Variants in OR4C11 observed in about 807,000 individuals in gnomAD.
OR4C11 encodes olfactory receptor family 4 subfamily C member 11, also known as olfactory receptor 4C11.
In OR4C11, 15 loss-of-function variants were observed where a neutral mutation model predicts 14.7. That is an observed-to-expected ratio of 1.02 (90% CI 0.68 to 1.58). The LOEUF is 1.58. OR4C11 is among the 40% of genes most tolerant of loss of function. The pLI is 0.00. For missense variants in OR4C11, 473 were observed against 383.0 expected (o/e 1.24, Z -1.96); for synonymous variants, 146 against 135.0 (o/e 1.08, Z -0.57).
Position 55,607,266 on chromosome 11 carries a change from A to G in OR4C11, c.-365+21T>C, listed in dbSNP as rs188989384. On this transcript the variant is annotated intron_variant, in intron 1 of 3. Transcript: ENST00000641580. Reference sequence around the variant, plus strand: ...GTTTCTGTTTAATTATCTCCTACCCACTTCTACCAACAGCTCTTACCTGGT... The same window carrying G: ...GTTTCTGTTTAATTATCTCCTACCCGCTTCTACCAACAGCTCTTACCTGGT... 8.5e-4 allele frequency: 117 copies of G among 138,060 alleles called. 8 individuals carry two copies. The highest frequency in any genetic ancestry group is 2.7e-3 in the African/African-American group (109 of 39,872). The allele number at this position is 138,060 out of a possible 1,614,324, so 8.6% of individuals were successfully genotyped here.
At position 55,604,216 on chromosome 11, in the gene OR4C11, A is replaced by C; in HGVS notation, c.158T>G (p.Leu53Arg). 1 of 1,482,510 alleles carries C rather than the reference A, an allele frequency of 6.7e-7. No homozygotes were observed. Among genetic ancestry groups the C allele is most frequent in the African/African-American group, 1.4e-5 (1 of 72,750 alleles). 91.8% of individuals were successfully genotyped at this position (1,482,510 alleles called of 1,614,324 possible). A position where few individuals can be genotyped will look rare whatever the true frequency, so the allele number is the denominator to read the frequency against. Residue 53 changes from leucine (L) to arginine (R), a missense_variant, in exon 4 of 4, where the codon CTA (leucine) becomes CGA (arginine). Coordinates refer to ENST00000641580, the MANE Select transcript of OR4C11 (RefSeq NM_001004700.3). The part of the protein sequence containing the change: ...IIVTIKSSRT[L>R]GSPMYFFLFY... ...TAGAAAGAAGTACATGGGGCTTCCT[A>C]GTGTCCGGCTGGACTTGATGGTCAC...
Position 55,605,103 on chromosome 11 carries a change from A to G in OR4C11, c.-45+23T>C, listed in dbSNP as rs1857943557. On this transcript the variant is annotated intron_variant, in intron 3 of 3. Coordinates refer to ENST00000641580, the MANE Select transcript of OR4C11 (RefSeq NM_001004700.3). The stretch of plus-strand genomic sequence containing the variant: ...ATTATTTTAACCTCTTGCCTTGACT[A>G]TCTTTATTTCCTTTTAATTTACCTC... 2 of 138,830 alleles carry G rather than the reference A, an allele frequency of 1.4e-5. 1 individual carries two copies. Among genetic ancestry groups the G allele is most frequent in the Non-Finnish European group, 3.2e-5 (2 of 62,196 alleles). 8.6% of individuals were successfully genotyped at this position (138,830 alleles called of 1,614,324 possible). A position where few individuals can be genotyped will look rare whatever the true frequency, so the allele number is the denominator to read the frequency against.
Position 55,605,287 on chromosome 11 carries a change from G to T in OR4C11, c.-206C>A, listed in dbSNP as rs1167089867. The T allele has an allele frequency of 1.5e-5, 2 of 137,734 alleles. 1 individual carries two copies. The highest frequency in any genetic ancestry group is 3.2e-5 in the Non-Finnish European group (2 of 62,042). The allele number at this position is 137,734 out of a possible 1,614,324, so 8.5% of individuals were successfully genotyped here. On this transcript the variant is annotated splice_region_variant and 5_prime_UTR_variant, in exon 3 of 4. Transcript: ENST00000641580. ...TCTTAAGAGACAAGTAGACACTGAG[G>T]CTAAAATGAGGAAAAAAGTGGAAGA... is the stretch of plus-strand genomic sequence containing the variant.
At position 55,607,105 on chromosome 11, in the gene OR4C11, G is replaced by C. The variant is rs576601226; in HGVS notation, c.-365+182C>G. ...AGGAGAAGGAAGCCAGCATCCTACC[G>C]TGGGCGACATCATCACCTTCATGGA... On this transcript the variant is annotated intron_variant, in intron 1 of 3. Transcript: ENST00000641580. Among the ~76,000 whole-genome samples, 4 of 138,026 alleles carry C rather than the reference G, an allele frequency of 2.9e-5. 1 individual carries two copies. The South Asian group carries it at 9.6e-4, about 33-fold the overall frequency. The allele number at this position is 138,026 out of a possible 152,430, so 90.6% of individuals were successfully genotyped here.
rs1307845397 is a variant in OR4C11 at position 55,604,608 on chromosome 11, G to A, written c.-44-191C>T. Among the ~76,000 whole-genome samples the A allele has an allele frequency of 5.8e-5, 8 of 136,964 alleles. 2 individuals are homozygous for A. The highest frequency in any genetic ancestry group is 3.9e-3 in the Middle Eastern group (1 of 258). The allele number at this position is 136,964 out of a possible 152,430, so 89.9% of individuals were successfully genotyped here. On this transcript the variant is annotated intron_variant, in intron 3 of 3. Transcript: ENST00000641580. The stretch of plus-strand genomic sequence containing the variant: ...ATTATTATTTTTGAAACAGAATGTC[G>A]CTCTGTCCTCTAGGCTGGACTGCAG...
intron 1 of OR4C11, 67 bp downstream of exon 1, chr11:55,607,220 G>A (rs1241918205): frequency 1.4e-5 from 2 of 138,122 alleles, no homozygotes; most frequent in Non-Finnish European, 3.2e-5. Flanking sequence ...CTACCCTTAG[G>A]CAGTTTGCCC....
In OR4C11 at chr11:55,603,813, G is replaced by T. The variant is rs1381869714; in HGVS notation, c.561C>A (p.Cys187Ter). The T allele has an allele frequency of 1.3e-6, 2 of 1,489,168 alleles. No homozygotes were observed. The highest frequency in any genetic ancestry group is 2.4e-5 in the South Asian group (2 of 84,698). 92.2% of individuals were successfully genotyped at this position (1,489,168 alleles called of 1,614,324 possible). A position where few individuals can be genotyped will look rare whatever the true frequency, so the allele number is the denominator to read the frequency against. ...GCAGGTTGATCATGTAAGTGTCCAT[G>T]CAGGCAAGTTTCAACAAGGGCTGCA... ...CDLQPLLKLA[C>*]MDTYMINLLL... The change falls in exon 4 of 4, where the codon TGC becomes TGA. Residue 187 changes from cysteine to a stop codon, truncating the protein, a stop_gained. Coordinates refer to ENST00000641580, the MANE Select transcript of OR4C11 (RefSeq NM_001004700.3). LOFTEE classifies it high-confidence loss of function.
chr11:55,604,076 A>G lies in OR4C11; in HGVS notation c.298T>C (p.Phe100Leu). ...ATGCAGCCAAATAAATGTAGTGCAA[A>G]GACTTGTGTCATGCACTCATTGTAG... ...ITYNECMTQV[F>L]ALHLFGCMEI... Residue 100 changes from phenylalanine to leucine, a missense_variant, in exon 4 of 4, where the codon TTT becomes CTT. Transcript: ENST00000641580. 1 of 1,486,750 alleles carries G rather than the reference A, an allele frequency of 6.7e-7. No individual in the cohort carries two copies. The highest frequency in any genetic ancestry group is 9.2e-7 in the Non-Finnish European group (1 of 1,091,964). The allele number at this position is 1,486,750 out of a possible 1,614,324, so 92.1% of individuals were successfully genotyped here. A position where few individuals can be genotyped will look rare whatever the true frequency, so the allele number is the denominator to read the frequency against.
At chr11:55,605,869 T>C (rs568019895) in intron 2 of OR4C11, among the ~76,000 whole-genome samples, 6 of 139,008 alleles carry the variant, frequency 4.3e-5, no homozygotes, top group African/African-American at 1.5e-4. Context: ...ATCCTTTTGA[T>C]AAATGTCTTA....
At position 55,604,223 on chromosome 11, in the gene OR4C11, G is replaced by A. The variant is rs61730871; in HGVS notation, c.151C>T (p.Arg51Trp). 4.3e-4 allele frequency: 637 copies of A among 1,478,740 alleles called. 117 individuals carry two copies. The highest frequency in any genetic ancestry group is 2.6e-3 in the African/African-American group (186 of 72,632). The allele number at this position is 1,478,740 out of a possible 1,614,324, so 91.6% of individuals were successfully genotyped here. The change falls in exon 4 of 4, where the codon CGG becomes TGG. Residue 51 changes from arginine to tryptophan, a missense_variant. Transcript: ENST00000641580. ...AAGTACATGGGGCTTCCTAGTGTCC[G>A]GCTGGACTTGATGGTCACAATAATG... ...MLIIVTIKSS[R>W]TLGSPMYFFL...
intron 2 of OR4C11, among the ~76,000 whole-genome samples, 199 bp downstream of exon 2, chr11:55,606,323 T>C (rs1250979008): frequency 7.2e-6 from 1 of 138,128 alleles, no homozygotes; most frequent in Non-Finnish European, 1.6e-5. Flanking sequence ...GTACAATATA[T>C]ACTACACACA....
rs1039214261 is a variant in OR4C11, at chr11:55,606,205, C to T, written c.-207+317G>A. Reference sequence around the variant, plus strand: ...AGATAGCTGTGTGTTTATATGCACACGCACGCACACACACACACACACAAA... The same window carrying T: ...AGATAGCTGTGTGTTTATATGCACATGCACGCACACACACACACACACAAA... On this transcript the variant is annotated intron_variant, in intron 2 of 3. Transcript: ENST00000641580. 4.0e-5 allele frequency among the ~76,000 whole-genome samples: 5 copies of T among 124,274 alleles called. 1 individual carries two copies. The highest frequency in any genetic ancestry group is 1.1e-4 in the African/African-American group (4 of 35,408). 81.5% of individuals were successfully genotyped at this position (124,274 alleles called of 152,430 possible).
chr11:55,607,468 G>A lies in OR4C11; in HGVS notation c.-546C>T, dbSNP rs1239317541. The A allele has an allele frequency of 7.2e-5, 10 of 138,426 alleles. 3 individuals carry two copies. Among genetic ancestry groups the A allele is most frequent in the Admixed American group, 3.1e-4 (4 of 12,704 alleles). The allele number at this position is 138,426 out of a possible 1,614,324, so 8.6% of individuals were successfully genotyped here. A position where few individuals can be genotyped will look rare whatever the true frequency, so the allele number is the denominator to read the frequency against. On this transcript the variant is annotated 5_prime_UTR_variant, in exon 1 of 4. Transcript: ENST00000641580. ...TCCACCTTCTCTGAATGTTAGATACGACTAAGTTATTCTCCTATACAGACC... is the reference window on the plus strand; with the variant it reads ...TCCACCTTCTCTGAATGTTAGATACAACTAAGTTATTCTCCTATACAGACC...
Position 55,603,401 on chromosome 11 carries a change from C to A in OR4C11, c.*40G>T, listed in dbSNP as rs764854044. 7 of 1,003,186 alleles carry A rather than the reference C, an allele frequency of 7.0e-6. 2 individuals are homozygous for A. The East Asian group carries it at 2.0e-4, about 28-fold the overall frequency. 62.1% of individuals were successfully genotyped at this position (1,003,186 alleles called of 1,614,324 possible). A position where few individuals can be genotyped will look rare whatever the true frequency, so the allele number is the denominator to read the frequency against. The stretch of plus-strand genomic sequence containing the variant: ...GCTGTCTATACTTACTCTGTTAAAT[C>A]ATGATTTGACTGAAAAAGTAATCAG... On this transcript the variant is annotated 3_prime_UTR_variant, in exon 4 of 4. Coordinates refer to ENST00000641580, the MANE Select transcript of OR4C11 (RefSeq NM_001004700.3).
At position 55,602,484 on chromosome 11, in the gene OR4C11, C is replaced by T. The variant is rs374381964; in HGVS notation, c.*957G>A. ...TGTCCTCACTCTGGGCATGAAAATT[C>T]CATTGCCAATTCTAACTTGTGATTC... On this transcript the variant is annotated 3_prime_UTR_variant, in exon 4 of 4. Transcript: ENST00000641580. The T allele has an allele frequency of 2.2e-5, 3 of 137,816 alleles. 1 individual carries two copies. In the East Asian group the frequency reaches 7.2e-4, roughly 33 times the overall value. 8.5% of individuals were successfully genotyped at this position (137,816 alleles called of 1,614,324 possible).
At chr11:55,604,467 A>G (rs1178012704) in intron 3 of OR4C11, 50 bp from the exon 4 acceptor site, 4 of 517,106 alleles carry the variant, frequency 7.7e-6, no homozygotes, top group Non-Finnish European at 1.3e-5. Flanking sequence ...TCAAATACAT[A>G]TTCTTGCAAT....
Position 55,607,631 on chromosome 11 carries a change from G to A in OR4C11, c.-709C>T, listed in dbSNP as rs940944997. 4.3e-5 allele frequency: 6 copies of A among 137,940 alleles called. 1 individual carries two copies. The highest frequency in any genetic ancestry group is 4.7e-4 in the East Asian group (2 of 4,232). The allele number at this position is 137,940 out of a possible 1,614,324, so 8.5% of individuals were successfully genotyped here. On this transcript the variant is annotated 5_prime_UTR_variant, in exon 1 of 4. Coordinates refer to ENST00000641580, the MANE Select transcript of OR4C11 (RefSeq NM_001004700.3). ...AATTAATATATAACTATTCTGATAC[G>A]AGGCTCTCTTTGGTCTCACAAAGAA...
In OR4C11 at chr11:55,606,662, G is replaced by A. The variant is rs189212287; in HGVS notation, c.-347C>T. 7.2e-6 allele frequency: 1 copy of A among 138,308 alleles called. No homozygotes were observed. The highest frequency in any genetic ancestry group is 2.4e-4 in the East Asian group (1 of 4,228). The allele number at this position is 138,308 out of a possible 1,614,324, so 8.6% of individuals were successfully genotyped here. A position where few individuals can be genotyped will look rare whatever the true frequency, so the allele number is the denominator to read the frequency against. ...TTTGAGTAAGTCAGATATAGCAGTA[G>A]TGTTGAAACTCAGGGCTCTGTAAAT... On this transcript the variant is annotated 5_prime_UTR_variant, in exon 2 of 4. Transcript: ENST00000641580.
In OR4C11 at chr11:55,603,151, T is replaced by C. The variant is rs1857905294; in HGVS notation, c.*290A>G. 8.5e-6 allele frequency: 2 copies of C among 234,448 alleles called. No individual in the cohort carries two copies. Among genetic ancestry groups the C allele is most frequent in the East Asian group, 1.0e-4 (1 of 9,576 alleles). 14.5% of individuals were successfully genotyped at this position (234,448 alleles called of 1,614,324 possible). Reference sequence around the variant, plus strand: ...TGCATTAGATTAGAGTGCATAGAGATAGTCAGGCTTACACTTTAGAAAATG... The same window carrying C: ...TGCATTAGATTAGAGTGCATAGAGACAGTCAGGCTTACACTTTAGAAAATG... On this transcript the variant is annotated 3_prime_UTR_variant, in exon 4 of 4. Coordinates refer to ENST00000641580, the MANE Select transcript of OR4C11 (RefSeq NM_001004700.3).
Sources: gnomAD v4.1 joint callset for allele counts (sites outside exome capture counted in the v4.1 genomes callset) on GRCh38, gnomAD v4.1.1 for gene constraint, MANE v1.5 for transcripts, NCBI Gene and HGNC (gene_info 2026-07-23, HGNC 2026-07-21) for gene names.